NOTCH3: variants seen among roughly 807,000 people sequenced by gnomAD.
NOTCH3 encodes notch receptor 3.
NOTCH3 carries 86 observed loss-of-function variants against 213.3 expected under a neutral mutation model. The observed-to-expected ratio is 0.40, with a 90% confidence interval of 0.34 to 0.48. NOTCH3 has a LOEUF of 0.48. Ranked by LOEUF, NOTCH3 falls within the 20% of genes least tolerant of loss-of-function variation. The pLI is 0.57. For synonymous variants in NOTCH3, 1,354 were observed against 1,355.9 expected (o/e 1.00, Z 0.03); for missense variants, 2,783 against 3,272.6 (o/e 0.85, Z 3.65).
rs1164655875 is a variant in NOTCH3 at position 15,187,978 on chromosome 19, C to T, written c.1509G>A (p.Thr503=). The T allele has an allele frequency of 5.8e-6, 9 of 1,550,946 alleles. No individual in the cohort carries two copies. Among genetic ancestry groups the T allele is most frequent in the Non-Finnish European group, 7.8e-6 (9 of 1,146,990 alleles). ...CTCPSGFSGS[T]CQLDVDECAS... ...CGCATTCGTCCACGTCCAGCTGACA[C>T]GTGGAGCCGCTGAAGCCTGGGGTGG... Residue 503 remains threonine (T), a synonymous_variant, in exon 10 of 33, where the codon ACG becomes ACA. Transcript: ENST00000263388.
chr19:15,177,059 G>A (rs867876108), intron 24 of NOTCH3, among the ~76,000 whole-genome samples: 38 of 124,442 alleles, frequency 3.1e-4, no homozygotes, highest in African/African-American at 9.4e-4. Context: ...GCAAGAGAGC[G>A]AGACTCCGTC....
chr19:15,173,935 G>A (rs773468596), intron 25 of NOTCH3, 133 bp downstream of exon 25: 4 of 756,828 alleles, frequency 5.3e-6, no homozygotes, highest in Non-Finnish European at 8.2e-6. Flanking sequence ...TTTTTTGCTT[G>A]TCACAGCCAG....
chr19:15,191,089 A>G (rs1236825286), intron 6 of NOTCH3, among the ~76,000 whole-genome samples: 1 of 149,254 alleles, frequency 6.7e-6, no homozygotes, highest in Non-Finnish European at 1.5e-5. Flanking sequence ...GCTAGAGTGC[A>G]GTGGTGCAAT....
intron 2 of NOTCH3, among the ~76,000 whole-genome samples, chr19:15,196,137 A>G (rs1342171856): frequency 1.3e-5 from 2 of 151,116 alleles, no homozygotes; most frequent in Admixed American, 6.6e-5. Flanking sequence ...CCACAGCCCA[A>G]CTCGGAGGAC....
At chr19:15,174,686 G>A (rs1056718105) in intron 24 of NOTCH3, among the ~76,000 whole-genome samples, 2 of 151,340 alleles carry the variant, frequency 1.3e-5, no homozygotes, top group African/African-American at 4.9e-5. Flanking sequence ...CGATTCTCCC[G>A]CCTCAGCCTC....
At chr19:15,199,780 G>A (rs1352588662) in intron 1 of NOTCH3, among the ~76,000 whole-genome samples, 4 of 152,128 alleles carry the variant, frequency 2.6e-5, no homozygotes, top group African/African-American at 9.7e-5. Flanking sequence ...CTGGGCTGGG[G>A]AGGCCGTTCA....
chr19:15,181,297 G>T, intron 17 of NOTCH3, 135 bp from the exon 18 acceptor site: 1 of 857,080 alleles, frequency 1.2e-6, no homozygotes, highest in Non-Finnish European at 1.9e-6. Flanking sequence ...TGCAGCCCCA[G>T]CAGAAGCCAA....
Position 15,160,242 on chromosome 19 carries a change from T to C in NOTCH3, c.*420A>G, listed in dbSNP as rs2046628331. 1 of 243,178 alleles carries C rather than the reference T, an allele frequency of 4.1e-6. No individual in the cohort carries two copies. Among genetic ancestry groups the C allele is most frequent in the Non-Finnish European group, 8.0e-6 (1 of 125,038 alleles). The allele number at this position is 243,178 out of a possible 1,614,324, so 15.1% of individuals were successfully genotyped here. On this transcript the variant is annotated 3_prime_UTR_variant, in exon 33 of 33. Coordinates refer to ENST00000263388, the MANE Select transcript of NOTCH3 (RefSeq NM_000435.3). ...CACAGGGGGAGGGAGCATCTCCATA[T>C]ATATATTTTGTAAAAAATAATAATA...
At chr19:15,197,442 C>CGGCGG in intron 2 of NOTCH3, 58 bp downstream of exon 2, 1 of 620,836 alleles carries the variant, frequency 1.6e-6, no homozygotes. Context: ...AGACAAATCG[C>CGGCGG]CCCTCCCCCC....
At chr19:15,193,363 C>A (rs1301850174) in intron 2 of NOTCH3, among the ~76,000 whole-genome samples, 1 of 151,754 alleles carries the variant, frequency 6.6e-6, no homozygotes, top group Non-Finnish European at 1.5e-5. Context: ...CAGCCTCCTG[C>A]GTAGCTGGGA....
At chr19:15,162,759 CTGTGTGTGTGTGTTTG>C (rs903711909) in intron 31 of NOTCH3, among the ~76,000 whole-genome samples, 197 bp from the exon 32 acceptor site, 3 of 36,060 alleles carry the variant, frequency 8.3e-5, no homozygotes, top group African/African-American at 8.1e-4. Context: ...CACTTTGTGT[CTGTGTGTGTGTGTTTG>C]TGTGTGTGTG....
chr19:15,188,203 T>A, intron 9 of NOTCH3, 32 bp downstream of exon 9: 1 of 1,509,542 alleles, frequency 6.6e-7, no homozygotes, highest in Non-Finnish European at 9.1e-7. Context: ...CCCAGACATG[T>A]CTTTTCGGGC....
chr19:15,162,634 T>C lies in NOTCH3; in HGVS notation c.5816-72A>G, dbSNP rs2046654431. 5.2e-6 allele frequency: 6 copies of C among 1,145,240 alleles called. No individual in the cohort carries two copies. In the Admixed American group the frequency reaches 1.1e-4, roughly 21 times the overall value. The allele number at this position is 1,145,240 out of a possible 1,614,324, so 70.9% of individuals were successfully genotyped here. ...GGCCCCCATGTCAGGGAGGCAGAAA[T>C]TGTCTAGAATGTGGCCTAGGGGTAG... On this transcript the variant is annotated intron_variant, in intron 31 of 32. Coordinates refer to ENST00000263388, the MANE Select transcript of NOTCH3 (RefSeq NM_000435.3).
In NOTCH3 at chr19:15,161,416, C is replaced by T; in HGVS notation, c.6212G>A (p.Gly2071Glu). Residue 2071 changes from glycine to glutamate, a missense_variant, in exon 33 of 33, where the codon GGG becomes GAG. Gly to Glu is a moderately conservative substitution (Grantham distance 98, BLOSUM62 -2). Around this residue, in one of 6 missense-constraint regions of NOTCH3, gnomAD observed 441 missense variants for 432.1 expected, o/e 1.02. Coordinates refer to ENST00000263388, the MANE Select transcript of NOTCH3 (RefSeq NM_000435.3). ...KKSRRPPGKA[G>E]LGPQGPRGRG... ...CCCCCGGGGCCCCTGCGGCCCCAGC[C>T]CCGCCTTCCCGGGGGGCCTCCTGCT... The T allele has an allele frequency of 1.3e-6, 2 of 1,529,052 alleles. No individual in the cohort carries two copies. The highest frequency in any genetic ancestry group is 2.4e-5 in the South Asian group (2 of 82,474). The allele number at this position is 1,529,052 out of a possible 1,614,324, so 94.7% of individuals were successfully genotyped here.
chr19:15,177,705 G>A lies in NOTCH3; in HGVS notation c.4223C>T (p.Pro1408Leu), dbSNP rs1342913900. Reference sequence around the variant, plus strand: ...GTCGCCGCCGTCCCAGCCGCAGCCTGGGCTGTTGCACTCGCGGTCGCAGCG... The same window carrying A: ...GTCGCCGCCGTCCCAGCCGCAGCCTAGGCTGTTGCACTCGCGGTCGCAGCG... ...DQRCDRECNSPGCGWDGGDCS... is the reference protein window; with the variant it reads ...DQRCDRECNSLGCGWDGGDCS... Residue 1408 changes from proline (P) to leucine (L), a missense_variant, in exon 24 of 33, where the codon CCA becomes CTA. Physicochemically the swap from Pro to Leu is moderately conservative, Grantham distance 98. This residue lies in a region of NOTCH3 where 133 missense variants were observed against 201.9 expected (regional missense o/e 0.66). Coordinates refer to ENST00000263388, the MANE Select transcript of NOTCH3 (RefSeq NM_000435.3). 4.6e-6 allele frequency: 7 copies of A among 1,537,502 alleles called. No individual in the cohort carries two copies. Among genetic ancestry groups the A allele is most frequent in the Non-Finnish European group, 6.1e-6 (7 of 1,148,852 alleles).
intron 31 of NOTCH3, among the ~76,000 whole-genome samples, chr19:15,163,034 G>A (rs2046658990): frequency 6.6e-6 from 1 of 152,122 alleles, no homozygotes; most frequent in South Asian, 2.1e-4. Flanking sequence ...CTCCCTAGTA[G>A]CTGGGACTAC....
intron 19 of NOTCH3, 148 bp downstream of exon 19, chr19:15,180,531 TCA>T: frequency 1.0e-6 from 1 of 970,944 alleles, no homozygotes; most frequent in East Asian, 2.6e-5. Context: ...CGGCCAGTTG[TCA>T]CATGCTCACA....
In NOTCH3 at chr19:15,179,018, C is replaced by T. The variant is rs753987937; in HGVS notation, c.3718+7G>A. 26 of 1,614,090 alleles carry T rather than the reference C, an allele frequency of 1.6e-5. No individual in the cohort carries two copies. In the South Asian group the frequency reaches 1.9e-4, roughly 12 times the overall value. Reference sequence around the variant, plus strand: ...GGTCCCAGGCCAGCCCCTTCGCCAACGCTTACCTGAGAAGCCAGCATGACA... The same window carrying T: ...GGTCCCAGGCCAGCCCCTTCGCCAATGCTTACCTGAGAAGCCAGCATGACA... On this transcript the variant is annotated splice_region_variant and intron_variant, in intron 22 of 32. Transcript: ENST00000263388.
intron 25 of NOTCH3, among the ~76,000 whole-genome samples, chr19:15,171,164 T>C (rs1331130532): frequency 6.6e-6 from 1 of 152,188 alleles, no homozygotes; most frequent in East Asian, 1.9e-4. Flanking sequence ...TAGCTGGGAT[T>C]ACAGGCGTGT....
Sources: gnomAD v4.1 joint callset for allele counts (sites outside exome capture counted in the v4.1 genomes callset) on GRCh38, gnomAD v4.1.1 for gene constraint, gnomAD v4.1.1 regional missense constraint, MANE v1.5 for transcripts, NCBI Gene and HGNC (gene_info 2026-07-23, HGNC 2026-07-21) for gene names.